WDR37: variants seen among roughly 807,000 people sequenced by gnomAD.
WDR37 encodes WD repeat-containing protein 37.
Under a neutral mutation model 62.9 loss-of-function variants are expected in WDR37, and 19 were observed. That is an observed-to-expected ratio of 0.30 (90% CI 0.21 to 0.44). WDR37 has a LOEUF of 0.44. WDR37 is among the 20% of genes least tolerant of loss of function. The pLI is 1.00. For synonymous variants in WDR37, 250 were observed against 260.9 expected (o/e 0.96, Z 0.40); for missense variants, 474 against 657.6 (o/e 0.72, Z 3.05).
At chr10:1,120,722 C>T (rs754977141) in intron 11 of WDR37, among the ~76,000 whole-genome samples, 4 of 152,186 alleles carry the variant, frequency 2.6e-5, no homozygotes, top group Admixed American at 1.3e-4. Context: ...GGAAAGGAAA[C>T]GATCGTCAGT....
intron 1 of WDR37, among the ~76,000 whole-genome samples, chr10:1,069,868 TG>T (rs1389075061): frequency 2.0e-5 from 3 of 152,144 alleles, no homozygotes; most frequent in Non-Finnish European, 4.4e-5. Flanking sequence ...TGGGGAAATA[TG>T]GACCATCTTT....
rs868842321 is a variant in WDR37, at chr10:1,076,715, A to G, written c.139-1192A>G. ...AAAAAGTTTACGACTCATCAGAATA[A>G]AAAAGTTTATGCTATATGTAAATTT... On this transcript the variant is annotated intron_variant, in intron 2 of 13. Transcript: ENST00000263150. Among the ~76,000 whole-genome samples the G allele has an allele frequency of 2.0e-5, 3 of 150,010 alleles. No individual in the cohort carries two copies. In the South Asian group the frequency reaches 6.4e-4, roughly 32 times the overall value.
At chr10:1,118,365 A>C (rs1835468864) in intron 11 of WDR37, among the ~76,000 whole-genome samples, 1 of 147,232 alleles carries the variant, frequency 6.8e-6, no homozygotes, top group Non-Finnish European at 1.5e-5. Flanking sequence ...CCCTGCACAC[A>C]TCTGAGCCAC....
chr10:1,069,370 A>ATATATATATAT (rs1833649953), intron 1 of WDR37, among the ~76,000 whole-genome samples: 1 of 81,416 alleles, frequency 1.2e-5, no homozygotes, highest in South Asian at 4.8e-4. Context: ...AATTGGAAAG[A>ATATATATATAT]ATATATATAT....
At chr10:1,072,343 G>C (rs770357501) in intron 2 of WDR37, 50 bp downstream of exon 2, 2 of 1,601,468 alleles carry the variant, frequency 1.2e-6, no homozygotes, top group Non-Finnish European at 8.5e-7. Flanking sequence ...TTTTGAGACA[G>C]AGTTTCGCTC....
chr10:1,071,249 A>T (rs567409272), intron 1 of WDR37, among the ~76,000 whole-genome samples: 3 of 152,314 alleles, frequency 2.0e-5, no homozygotes, highest in Non-Finnish European at 4.4e-5. Flanking sequence ...CTTTGACTGC[A>T]TATGGGTCAG....
At chr10:1,128,448 A>G (rs1232603639) in intron 13 of WDR37, among the ~76,000 whole-genome samples, 1 of 152,246 alleles carries the variant, frequency 6.6e-6, no homozygotes, top group African/African-American at 2.4e-5. Context: ...GCTGATATTT[A>G]ACTGGAATTG....
At chr10:1,114,159 A>G (rs993699743) in intron 11 of WDR37, among the ~76,000 whole-genome samples, 1 of 151,942 alleles carries the variant, frequency 6.6e-6, no homozygotes, top group Non-Finnish European at 1.5e-5. Context: ...GTTTCACCAC[A>G]TCGGCCAAGC....
At chr10:1,115,933 G>T (rs1317147115) in intron 11 of WDR37, among the ~76,000 whole-genome samples, 1 of 152,144 alleles carries the variant, frequency 6.6e-6, no homozygotes, top group African/African-American at 2.4e-5. Context: ...TCCTCTCAGT[G>T]TTACATCCCC....
chr10:1,079,024 C>T lies in WDR37; in HGVS notation c.236-987C>T, dbSNP rs560086231. Among the ~76,000 whole-genome samples, 4 of 152,174 alleles carry T rather than the reference C, an allele frequency of 2.6e-5. No individual in the cohort carries two copies. The South Asian group carries it at 8.3e-4, about 32-fold the overall frequency. On this transcript the variant is annotated intron_variant, in intron 3 of 13. Coordinates refer to ENST00000263150, the MANE Select transcript of WDR37 (RefSeq NM_014023.4). ...GCTTTTGGAAATTTTAATGTTAATA[C>T]TGGATTCTCCTTTTTAAAGAGTCCA... is the stretch of plus-strand genomic sequence containing the variant.
chr10:1,084,508 C>T lies in WDR37; in HGVS notation c.502C>T (p.Gln168Ter). ...CTGGGATGTCAGCGTGGCCAAGACA[C>T]AGCCAGTGGTGCTCGGGACTGCATC... is the stretch of plus-strand genomic sequence containing the variant. Reference protein sequence around the residue: ...GIWDVSVAKTQPVVLGTASAD... With the variant: ...GIWDVSVAKT The change falls in exon 6 of 14, where the codon CAG becomes TAG. Residue 168 changes from glutamine (Q) to a stop codon, truncating the protein, a stop_gained. Transcript: ENST00000263150. LOFTEE classifies it high-confidence loss of function. 1 of 1,614,188 alleles carries T rather than the reference C, an allele frequency of 6.2e-7. No homozygotes were observed. Among genetic ancestry groups the T allele is most frequent in the Non-Finnish European group, 8.5e-7 (1 of 1,180,028 alleles).
chr10:1,098,470 G>T (rs566338987), intron 9 of WDR37, among the ~76,000 whole-genome samples: 1 of 152,106 alleles, frequency 6.6e-6, no homozygotes, highest in African/African-American at 2.4e-5. Flanking sequence ...TGGGACCACA[G>T]ATGCGTGTCA....
At chr10:1,108,214 T>C (rs1471265452) in intron 11 of WDR37, among the ~76,000 whole-genome samples, 1 of 152,268 alleles carries the variant, frequency 6.6e-6, no homozygotes, top group Admixed American at 6.5e-5. Context: ...AAAATGTCTT[T>C]GATACTTTTT....
rs74308438 is a variant in WDR37 at position 1,098,307 on chromosome 10, AC to A, written c.726+2066del. ...CCTTGTGTGTGCACGCTCTCTTTCT[AC>A]CCCCTCCCCATCTGTCCGTTTTTTT... On this transcript the variant is annotated intron_variant, in intron 9 of 13. Transcript: ENST00000263150. Among the ~76,000 whole-genome samples, 601 of 129,668 alleles carry A rather than the reference AC, an allele frequency of 4.6e-3. 5 individuals carry two copies. The highest frequency in any genetic ancestry group is 0.035 in the East Asian group (159 of 4,510). 85.1% of individuals were successfully genotyped at this position (129,668 alleles called of 152,430 possible). A position where few individuals can be genotyped will look rare whatever the true frequency, so the allele number is the denominator to read the frequency against.
rs1410260504 is a variant in WDR37, at chr10:1,082,128, GA to G, written c.396+1654del. Among the ~76,000 whole-genome samples, 4 of 152,304 alleles carry G rather than the reference GA, an allele frequency of 2.6e-5. No homozygotes were observed. The East Asian group carries it at 7.7e-4, about 29-fold the overall frequency. On this transcript the variant is annotated intron_variant, in intron 5 of 13. Transcript: ENST00000263150. ...TGAAAATATAAGACATCTGAAGATT[GA>G]AGAAATAATTTGGTAACAGAATATA...
chr10:1,109,229 G>C (rs748388674), intron 11 of WDR37, among the ~76,000 whole-genome samples: 4 of 152,212 alleles, frequency 2.6e-5, no homozygotes, highest in African/African-American at 4.8e-5. Flanking sequence ...TGTTATTTAA[G>C]ACCCTTCTAG....
intron 13 of WDR37, among the ~76,000 whole-genome samples, chr10:1,126,640 G>A (rs558584471): frequency 6.6e-6 from 1 of 152,328 alleles, no homozygotes; most frequent in East Asian, 1.9e-4. Flanking sequence ...GGCTCCTTCT[G>A]TGGACACCAG....
chr10:1,128,579 A>T (rs1449818119), intron 13 of WDR37, among the ~76,000 whole-genome samples: 1 of 152,262 alleles, frequency 6.6e-6, no homozygotes, highest in Non-Finnish European at 1.5e-5. Context: ...TGCAATTTGA[A>T]GTCTTTGAGT....
chr10:1,107,684 C>T (rs2127603), intron 11 of WDR37, among the ~76,000 whole-genome samples: 1 of 152,074 alleles, frequency 6.6e-6, no homozygotes, highest in Non-Finnish European at 1.5e-5. Flanking sequence ...AACCCTTCAC[C>T]TAGGTTCACC....
Sources: allele counts gnomAD v4.1 joint callset (sites outside exome capture counted in the v4.1 genomes callset), GRCh38; gene constraint gnomAD v4.1.1; transcripts MANE v1.5; gene names NCBI Gene and HGNC (gene_info 2026-07-23, HGNC 2026-07-21).